Variants in MEGF9 observed in about 807,000 individuals in gnomAD.
MEGF9 encodes multiple epidermal growth factor-like domains protein 9.
A neutral mutation model predicts 46.8 loss-of-function variants in MEGF9; 6 were observed. The observed-to-expected ratio is 0.13, with a 90% confidence interval of 0.07 to 0.25. The LOEUF (loss-of-function observed/expected upper bound fraction) is 0.25. Among genes scored for constraint, MEGF9 ranks in the 10% least tolerant of loss-of-function variants. The pLI is 1.00. For missense variants in MEGF9, 683 were observed against 792.4 expected (o/e 0.86, Z 1.66); for synonymous variants, 302 against 330.7 (o/e 0.91, Z 0.94).
intron 1 of MEGF9, among the ~76,000 whole-genome samples, chr9:120,681,334 G>C (rs909489579): frequency 6.6e-6 from 1 of 152,164 alleles, no homozygotes; most frequent in Non-Finnish European, 1.5e-5. Flanking sequence ...CTGGGAGCTA[G>C]GTCCTGGAAT....
At chr9:120,713,280 G>A (rs2043961259) in intron 1 of MEGF9, among the ~76,000 whole-genome samples, 2 of 152,130 alleles carry the variant, frequency 1.3e-5, no homozygotes, top group Admixed American at 1.3e-4. Context: ...TCTTCCACCT[G>A]TCATACACAC....
At position 120,611,945 on chromosome 9, in the gene MEGF9, G is replaced by A. The variant is rs747187925; in HGVS notation, c.1087+451C>T. On this transcript the variant is annotated intron_variant, in intron 4 of 5. Transcript: ENST00000373930. ...CAGCACCACCCAGCTAAGCTGCTTC[G>A]AAAGTCCTAGTAGAAAATATGTGAA... is the stretch of plus-strand genomic sequence containing the variant. Among the ~76,000 whole-genome samples, 4 of 151,996 alleles carry A rather than the reference G, an allele frequency of 2.6e-5. No homozygotes were observed. The East Asian group carries it at 5.8e-4, about 22-fold the overall frequency.
chr9:120,656,371 C>T (rs1040908561), intron 2 of MEGF9, among the ~76,000 whole-genome samples: 3 of 151,760 alleles, frequency 2.0e-5, no homozygotes, highest in Non-Finnish European at 4.4e-5. Context: ...CACGGTGAAA[C>T]CCCACCTCTA....
intron 1 of MEGF9, among the ~76,000 whole-genome samples, chr9:120,659,959 T>C (rs750362854): frequency 6.6e-6 from 1 of 150,942 alleles, no homozygotes; most frequent in Non-Finnish European, 1.5e-5. Context: ...CTCAGATGAT[T>C]AACTTTGGCA....
intron 1 of MEGF9, 120 bp from the exon 2 acceptor site, chr9:120,659,695 A>G: frequency 1.2e-6 from 1 of 829,774 alleles, no homozygotes; most frequent in Non-Finnish European, 1.8e-6. Context: ...GATAGATAAA[A>G]TTAACTCTAG....
intron 1 of MEGF9, among the ~76,000 whole-genome samples, chr9:120,693,300 A>G (rs1165489856): frequency 6.6e-6 from 1 of 150,742 alleles, no homozygotes. Context: ...AAAAAGAAGA[A>G]GAAGAAGAAG....
intron 2 of MEGF9, among the ~76,000 whole-genome samples, chr9:120,630,162 A>C (rs138963273): frequency 2.0e-5 from 3 of 152,164 alleles, no homozygotes; most frequent in Non-Finnish European, 4.4e-5. Context: ...ATATCTGTTA[A>C]CCAACCTTTG....
chr9:120,682,303 G>T (rs1178989045), intron 1 of MEGF9, among the ~76,000 whole-genome samples: 1 of 152,158 alleles, frequency 6.6e-6, no homozygotes, highest in East Asian at 1.9e-4. Flanking sequence ...ACTGCCAATT[G>T]CTTCTGAGGT....
chr9:120,601,714 A>T lies in MEGF9; in HGVS notation c.*3476T>A, dbSNP rs1308375375. On this transcript the variant is annotated 3_prime_UTR_variant, in exon 6 of 6. Transcript: ENST00000373930. Reference sequence around the variant, plus strand: ...TTAATATAAATGAGCTTTAGTTTTCAAATGTCATTTTTTTCTCTATAACTG... The same window carrying T: ...TTAATATAAATGAGCTTTAGTTTTCTAATGTCATTTTTTTCTCTATAACTG... 6.6e-6 allele frequency: 1 copy of T among 152,186 alleles called. No homozygotes were observed. Among genetic ancestry groups the T allele is most frequent in the African/African-American group, 2.4e-5 (1 of 41,454 alleles). 9.4% of individuals were successfully genotyped at this position (152,186 alleles called of 1,614,324 possible). A position where few individuals can be genotyped will look rare whatever the true frequency, so the allele number is the denominator to read the frequency against.
At chr9:120,663,334 C>T (rs1199165760) in intron 1 of MEGF9, among the ~76,000 whole-genome samples, 1 of 152,228 alleles carries the variant, frequency 6.6e-6, no homozygotes, top group East Asian at 1.9e-4. Context: ...ATGTAAAACA[C>T]TCTGGGTATT....
chr9:120,687,459 A>G (rs1202851897), intron 1 of MEGF9, among the ~76,000 whole-genome samples: 4 of 152,222 alleles, frequency 2.6e-5, no homozygotes, highest in Non-Finnish European at 5.9e-5. Flanking sequence ...TTGCAGCATT[A>G]CTTGAAAAAG....
At chr9:120,628,715 G>T (rs190547822) in intron 2 of MEGF9, among the ~76,000 whole-genome samples, 21 of 151,938 alleles carry the variant, frequency 1.4e-4, no homozygotes, top group African/African-American at 5.1e-4. Context: ...TGCCCAGGAG[G>T]GAGACTTTAT....
At chr9:120,612,673 C>T in intron 3 of MEGF9, 134 bp from the exon 4 acceptor site, 3 of 731,368 alleles carry the variant, frequency 4.1e-6, no homozygotes, top group Non-Finnish European at 2.1e-6. Flanking sequence ...TTAATTTCTA[C>T]CCCACCTGAT....
At chr9:120,671,123 C>G (rs368071617) in intron 1 of MEGF9, among the ~76,000 whole-genome samples, 1 of 152,342 alleles carries the variant, frequency 6.6e-6, no homozygotes, top group South Asian at 2.1e-4. Context: ...ACTGATACCC[C>G]TTCCTCTTTG....
intron 2 of MEGF9, among the ~76,000 whole-genome samples, chr9:120,634,446 C>CATTTTTTTTTTTTTT (rs2043564658): frequency 4.3e-5 from 2 of 46,908 alleles, no homozygotes. Context: ...TGTGGAATAT[C>CATTTTTTTTTTTTTT]TTTTTTTTTT....
intron 3 of MEGF9, among the ~76,000 whole-genome samples, chr9:120,616,620 A>C (rs1169094708): frequency 6.8e-6 from 1 of 147,182 alleles, no homozygotes. Flanking sequence ...CGGAGCTTGC[A>C]GTGAGCCCAG....
At chr9:120,675,933 A>G (rs1026692503) in intron 1 of MEGF9, among the ~76,000 whole-genome samples, 2 of 151,186 alleles carry the variant, frequency 1.3e-5, no homozygotes, top group Non-Finnish European at 2.9e-5. Context: ...ATATCAGCAC[A>G]TAAAAAAGTT....
chr9:120,657,029 T>C (rs1435416253), intron 2 of MEGF9, among the ~76,000 whole-genome samples: 3 of 152,174 alleles, frequency 2.0e-5, no homozygotes, highest in Non-Finnish European at 4.4e-5. Context: ...AAACCAGGCG[T>C]GGGTAAACTT....
chr9:120,607,899 C>T lies in MEGF9; in HGVS notation c.1199G>A (p.Cys400Tyr). 1 of 1,614,018 alleles carries T rather than the reference C, an allele frequency of 6.2e-7. No homozygotes were observed. The highest frequency in any genetic ancestry group is 2.2e-5 in the East Asian group (1 of 44,894). Residue 400 changes from cysteine (C) to tyrosine (Y), a missense_variant, in exon 5 of 6, where the codon TGC becomes TAC. Around this residue, in one of 2 missense-constraint regions of MEGF9, gnomAD observed 313 missense variants for 421.1 expected, o/e 0.74. Transcript: ENST00000373930. Reference protein sequence around the residue: ...YYNFDSICRKCQCHGHVDPVK... With the variant: ...YYNFDSICRKYQCHGHVDPVK... ...TGGGTCCACATGGCCGTGACATTGG[C>T]ACTTTCTACAGATGCTGTCAAAATT...
Sources: allele counts gnomAD v4.1 joint callset (sites outside exome capture counted in the v4.1 genomes callset), GRCh38; gene constraint gnomAD v4.1.1; regional missense constraint gnomAD v4.1.1; transcripts MANE v1.5; gene names NCBI Gene and HGNC (gene_info 2026-07-23, HGNC 2026-07-21).